VWF: variants seen among roughly 807,000 people sequenced by gnomAD.
VWF encodes von Willebrand factor, also known as Factor VIII related antigen.
VWF carries 176 observed loss-of-function variants against 308.6 expected under a neutral mutation model. The observed-to-expected ratio is 0.57, with a 90% confidence interval of 0.50 to 0.65. The LOEUF (loss-of-function observed/expected upper bound fraction) is 0.65. Ranked by LOEUF, VWF falls within the 30% of genes least tolerant of loss-of-function variation. The pLI, the probability that VWF is intolerant of heterozygous loss-of-function variation, is 0.00. For missense variants in VWF, 3,146 were observed against 3,648.2 expected, an observed-to-expected ratio of 0.86 and a Z score of 3.55; for synonymous variants, 1,385 against 1,443.4, an observed-to-expected ratio of 0.96 and a Z score of 0.92.
At chr12:6,092,497 T>G (rs1945046258) in intron 6 of VWF, among the ~76,000 whole-genome samples, 1 of 148,152 alleles carries the variant, frequency 6.7e-6, no homozygotes, top group Non-Finnish European at 1.5e-5. Context: ...TGCACCACCA[T>G]GCCCAGCTAG....
intron 37 of VWF, among the ~76,000 whole-genome samples, chr12:5,992,846 AAGAAATCAGTATGCAG>A (rs1409191422): frequency 6.6e-6 from 1 of 152,228 alleles, no homozygotes; most frequent in Non-Finnish European, 1.5e-5. Flanking sequence ...GAGGTACACA[AAGAAATCAGTATGCAG>A]AGAAAGTGCT....
chr12:6,019,343 C>T lies in VWF; in HGVS notation c.4075G>A (p.Glu1359Lys), dbSNP rs61749407. 8 of 1,613,812 alleles carry T rather than the reference C, an allele frequency of 5.0e-6. No individual in the cohort carries two copies. Among genetic ancestry groups the T allele is most frequent in the East Asian group, 4.5e-5 (2 of 44,880 alleles). ...YAGSQVASTS[E>K]VLKYTLFQIF... is the part of the protein sequence containing the mutation. ...TGGAACAGTGTGTATTTCAAGACCTCGCTGGTGGAGGCCACCTGGCTGCCC... is the reference window on the plus strand; with the variant it reads ...TGGAACAGTGTGTATTTCAAGACCTTGCTGGTGGAGGCCACCTGGCTGCCC... Residue 1359 changes from glutamate to lysine, a missense_variant, in exon 28 of 52, where the codon GAG (glutamate) becomes AAG (lysine). Glu to Lys is a moderately conservative substitution (Grantham distance 56). Coordinates refer to ENST00000261405, the MANE Select transcript of VWF (RefSeq NM_000552.5). This position sits in a 1 kb window ranked among gnomAD's most constrained non-coding sequence, Gnocchi z 5.8.
chr12:6,016,256 C>T (rs375741263), intron 30 of VWF, 24 bp from the exon 31 acceptor site: 63 of 1,614,118 alleles, frequency 3.9e-5, no homozygotes, highest in Middle Eastern at 1.6e-4. Flanking sequence ...ACAGATCACG[C>T]CAAGTCAGTA....
intron 20 of VWF, among the ~76,000 whole-genome samples, chr12:6,033,944 G>C (rs1944302440): frequency 6.6e-6 from 1 of 152,198 alleles, no homozygotes; most frequent in Admixed American, 6.5e-5. Context: ...CCTCAGCTCT[G>C]GTGAGAAAAG....
chr12:5,982,325 T>A (rs756208675), intron 41 of VWF, among the ~76,000 whole-genome samples: 19 of 152,026 alleles, frequency 1.2e-4, no homozygotes, highest in Non-Finnish European at 2.2e-4. Flanking sequence ...AATCTCTAAG[T>A]CCAGTAGGTC....
Position 6,092,618 on chromosome 12 carries a change from A to AGTGTGTGTGTGTGTGTGT in VWF, c.657+2824_657+2841dup, listed in dbSNP as rs752209524. Reference sequence around the variant, plus strand: ...CCCAGCTAGTTAGTGAGTGAGTGAGAGTGTGTGTGTGTGTGTGTGTGTGTG... The same window carrying AGTGTGTGTGTGTGTGTGT: ...CCCAGCTAGTTAGTGAGTGAGTGAGAGTGTGTGTGTGTGTGTGTGTGTGTGTGTGTGTGTGTGTGTGTG... On this transcript the variant is annotated intron_variant, in intron 6 of 51. Coordinates refer to ENST00000261405, the MANE Select transcript of VWF (RefSeq NM_000552.5). Among the ~76,000 whole-genome samples, 16 of 66,218 alleles carry AGTGTGTGTGTGTGTGTGT rather than the reference A, an allele frequency of 2.4e-4. 2 individuals are homozygous for AGTGTGTGTGTGTGTGTGT. The highest frequency in any genetic ancestry group is 1.0e-3 in the South Asian group (2 of 2,002). 43.4% of individuals were successfully genotyped at this position (66,218 alleles called of 152,430 possible).
intron 6 of VWF, among the ~76,000 whole-genome samples, chr12:6,093,788 C>G (rs1375957057): frequency 2.0e-5 from 3 of 152,214 alleles, no homozygotes; most frequent in African/African-American, 7.2e-5. Flanking sequence ...CACAGAGAGG[C>G]ACAAAGACCA....
At chr12:6,010,348 C>A (rs1250201504) in intron 34 of VWF, among the ~76,000 whole-genome samples, 3 of 152,140 alleles carry the variant, frequency 2.0e-5, no homozygotes. Context: ...TCAGCAAGGC[C>A]GTGGAGATGC....
rs1471339927 is a variant in VWF at position 6,024,987 on chromosome 12, C to T, written c.3222+593G>A. On this transcript the variant is annotated intron_variant, in intron 24 of 51. Coordinates refer to ENST00000261405, the MANE Select transcript of VWF (RefSeq NM_000552.5). This position sits in a 1 kb window ranked among gnomAD's most constrained non-coding sequence, Gnocchi z 4.0. ...GCACTAAGCCAAGATCATGCCATTG[C>T]ACTCCAGCCTGGGTGACAGAGCGAG... Among the ~76,000 whole-genome samples the T allele has an allele frequency of 2.7e-5, 4 of 149,268 alleles. No homozygotes were observed. Among genetic ancestry groups the T allele is most frequent in the Non-Finnish European group, 5.9e-5 (4 of 67,684 alleles).
chr12:6,115,131 G>A (rs1945348769), intron 3 of VWF, among the ~76,000 whole-genome samples: 1 of 152,128 alleles, frequency 6.6e-6, no homozygotes, highest in East Asian at 1.9e-4. Flanking sequence ...CGAACTCCTG[G>A]GCTCAAGCAA....
intron 34 of VWF, among the ~76,000 whole-genome samples, chr12:6,003,699 G>C (rs1357098253): frequency 1.3e-5 from 2 of 152,092 alleles, no homozygotes; most frequent in African/African-American, 2.4e-5. Flanking sequence ...GGAGGAAGGG[G>C]GAAATGGGGT....
chr12:6,019,840 T>C lies in VWF; in HGVS notation c.3675-97A>G. 7.5e-7 allele frequency: 1 copy of C among 1,341,224 alleles called. No homozygotes were observed. Among genetic ancestry groups the C allele is most frequent in the East Asian group, 2.5e-5 (1 of 40,112 alleles). 83.1% of individuals were successfully genotyped at this position (1,341,224 alleles called of 1,614,324 possible). A position where few individuals can be genotyped will look rare whatever the true frequency, so the allele number is the denominator to read the frequency against. ...CAATGACTTCCATATTCCCACAGAA[T>C]CTCCTCTGTTCCACCTGAACTTGAG... On this transcript the variant is annotated intron_variant, in intron 27 of 51. Transcript: ENST00000261405. The surrounding 1 kb of genome is among the most constrained non-coding windows in gnomAD (Gnocchi z 5.8).
rs1408359593 is a variant in VWF, at chr12:6,023,675, G to A, written c.3335C>T (p.Ala1112Val). The A allele has an allele frequency of 6.2e-7, 1 of 1,613,782 alleles. No individual in the cohort carries two copies. Among genetic ancestry groups the A allele is most frequent in the Admixed American group, 1.7e-5 (1 of 60,004 alleles). The change falls in exon 25 of 52, where the codon GCC (alanine) becomes GTC (valine). Residue 1112 changes from alanine (A) to valine (V), a missense_variant. By Grantham distance (64) the Ala-to-Val change is moderately conservative (BLOSUM62 0). This residue lies in a region of VWF where 853 missense variants were observed against 1,177.8 expected (regional missense o/e 0.72). Coordinates refer to ENST00000261405, the MANE Select transcript of VWF (RefSeq NM_000552.5). ...CCAGGTCACCACCTTGCCATGCTGG[G>A]CACACACGTGGGCATAGGCAGCAAT... Reference protein sequence around the residue: ...DTIAAYAHVCAQHGKVVTWRT... With the variant: ...DTIAAYAHVCVQHGKVVTWRT...
rs750697933 is a variant in VWF at position 6,075,396 on chromosome 12, G to C, written c.813C>G (p.Tyr271Ter). The C allele has an allele frequency of 1.2e-6, 2 of 1,614,058 alleles. No homozygotes were observed. Among genetic ancestry groups the C allele is most frequent in the East Asian group, 4.5e-5 (2 of 44,860 alleles). Reference protein sequence around the residue: ...LECACPALLEYARTCAQEGMV... With the variant: ...LECACPALLE ...TTCCCTCCTGGGCACAGGTCCGGGC[G>C]TACTCCAGGAGGGCAGGGCAGGCGC... Residue 271 changes from tyrosine to a stop codon, truncating the protein, a stop_gained, in exon 7 of 52, where the codon TAC becomes TAG. Transcript: ENST00000261405. LOFTEE classifies it high-confidence loss of function. The surrounding 1 kb of genome is among the most constrained non-coding windows in gnomAD (Gnocchi z 4.7).
In VWF at chr12:6,075,353, T is replaced by C; in HGVS notation, c.856A>G (p.Thr286Ala). 6.2e-7 allele frequency: 1 copy of C among 1,613,862 alleles called. No homozygotes were observed. Among genetic ancestry groups the C allele is most frequent in the Non-Finnish European group, 8.5e-7 (1 of 1,179,992 alleles). The change falls in exon 7 of 52, where the codon ACC (threonine) becomes GCC (alanine). Residue 286 changes from threonine (T) to alanine (A), a missense_variant. Transcript: ENST00000261405. This position sits in a 1 kb window ranked among gnomAD's most constrained non-coding sequence, Gnocchi z 4.7. ...AQEGMVLYGW[T>A]DHSACSPVCP... Reference sequence around the variant, plus strand: ...GACTTACTGCACGCGCTGTGGTCGGTCCAGCCGTACAGCACCATTCCCTCC... The same window carrying C: ...GACTTACTGCACGCGCTGTGGTCGGCCCAGCCGTACAGCACCATTCCCTCC...
intron 31 of VWF, among the ~76,000 whole-genome samples, chr12:6,013,903 T>C (rs922565527): frequency 3.3e-5 from 5 of 150,698 alleles, no homozygotes; most frequent in Admixed American, 6.6e-5. Context: ...CATGGAGAGA[T>C]AGACAACAAA....
In VWF at chr12:5,995,880, C is replaced by T. The variant is rs929601138; in HGVS notation, c.6063+122G>A. ...TCTAAGAAAGTGGTACTCCTCTCCT[C>T]CACTTAAGCAGAAGGCAGAGCTCCT... is the stretch of plus-strand genomic sequence containing the variant. On this transcript the variant is annotated intron_variant, in intron 35 of 51. Transcript: ENST00000261405. The T allele has an allele frequency of 3.3e-6, 3 of 898,342 alleles. No individual in the cohort carries two copies. In the African/African-American group the frequency reaches 4.9e-5, roughly 15 times the overall value. 55.6% of individuals were successfully genotyped at this position (898,342 alleles called of 1,614,324 possible).
chr12:5,964,274 GCA>G (rs1943369310), intron 47 of VWF, among the ~76,000 whole-genome samples: 1 of 134,706 alleles, frequency 7.4e-6, no homozygotes, highest in African/African-American at 3.1e-5. Flanking sequence ...ATACATACAT[GCA>G]TACATACATG....
chr12:5,964,245 T>TGC lies in VWF; in HGVS notation c.7887+3240_7887+3241insGC, dbSNP rs1555189788. 7.7e-4 allele frequency among the ~76,000 whole-genome samples: 110 copies of TGC among 142,828 alleles called. 1 individual carries two copies. The highest frequency in any genetic ancestry group is 1.1e-3 in the Non-Finnish European group (73 of 67,028). The allele number at this position is 142,828 out of a possible 152,430, so 93.7% of individuals were successfully genotyped here. A position where few individuals can be genotyped will look rare whatever the true frequency, so the allele number is the denominator to read the frequency against. On this transcript the variant is annotated intron_variant, in intron 47 of 51. Coordinates refer to ENST00000261405, the MANE Select transcript of VWF (RefSeq NM_000552.5). ...ATACATACATACATACATACATACA[T>TGC]ACATGCATACATACATACATACATA... is the stretch of plus-strand genomic sequence containing the variant.
Sources: gnomAD v4.1 joint callset for allele counts (sites outside exome capture counted in the v4.1 genomes callset) on GRCh38, gnomAD v4.1.1 for gene constraint, gnomAD v4.1.1 regional missense constraint, Gnocchi (gnomAD v3.1) non-coding constraint, MANE v1.5 for transcripts, NCBI Gene and HGNC (gene_info 2026-07-23, HGNC 2026-07-21) for gene names.